The following ABCC4 variants were observed in gnomAD, a reference collection of about 807,000 sequenced individuals.
The protein encoded by ABCC4 is ATP binding cassette subfamily C member 4 (PEL blood group).
Under a neutral mutation model 168.5 loss-of-function variants are expected in ABCC4, and 102 were observed. The ratio of observed to expected loss-of-function variants is 0.61; its 90% CI spans 0.52 to 0.71. ABCC4 has a LOEUF of 0.71. Ranked by LOEUF, ABCC4 falls within the 30% of genes least tolerant of loss-of-function variation. The pLI is 0.00. For missense variants in ABCC4, 1,402 were observed against 1,605.8 expected, an observed-to-expected ratio of 0.87 and a Z score of 2.17; for synonymous variants, 617 against 590.7, an observed-to-expected ratio of 1.04 and a Z score of -0.65.
intron 1 of ABCC4, among the ~76,000 whole-genome samples, chr13:95,265,065 T>C (rs1040815809): frequency 6.6e-6 from 1 of 152,004 alleles, no homozygotes; most frequent in Non-Finnish European, 1.5e-5. Flanking sequence ...GATGGGGTTT[T>C]GCCATGTTGG....
At chr13:95,103,765 A>G (rs2034897826) in intron 20 of ABCC4, among the ~76,000 whole-genome samples, 2 of 152,074 alleles carry the variant, frequency 1.3e-5, no homozygotes, top group Non-Finnish European at 2.9e-5. Flanking sequence ...CCTTCCACCC[A>G]AATCTCTAAA....
At chr13:95,144,974 G>A (rs566017191) in intron 19 of ABCC4, among the ~76,000 whole-genome samples, 15 of 151,418 alleles carry the variant, frequency 9.9e-5, no homozygotes, top group Admixed American at 6.6e-4. Flanking sequence ...AAGTTTACAA[G>A]CAAAAAACAA....
At chr13:95,214,668 T>C (rs1035040195) in intron 4 of ABCC4, among the ~76,000 whole-genome samples, 6 of 151,900 alleles carry the variant, frequency 3.9e-5, no homozygotes, top group Admixed American at 6.6e-5. Context: ...GGCAGATCAC[T>C]CGAGCCCAGG....
At chr13:95,157,799 G>A (rs1015106474) in intron 19 of ABCC4, among the ~76,000 whole-genome samples, 25 of 152,164 alleles carry the variant, frequency 1.6e-4, no homozygotes, top group African/African-American at 2.7e-4. Context: ...GGCCGGGCGC[G>A]GTGGCTCACG....
At chr13:95,264,703 G>T (rs938820831) in intron 1 of ABCC4, among the ~76,000 whole-genome samples, 2 of 152,100 alleles carry the variant, frequency 1.3e-5, no homozygotes, top group Non-Finnish European at 2.9e-5. Context: ...TACATTATAG[G>T]ATCCTGGGCC....
chr13:95,261,187 C>T (rs2040523042), intron 1 of ABCC4, among the ~76,000 whole-genome samples: 1 of 152,088 alleles, frequency 6.6e-6, no homozygotes, highest in African/African-American at 2.4e-5. Flanking sequence ...GTGGCTCACG[C>T]CTGTAATCCC....
At chr13:95,026,006 C>T (rs755816834) in intron 30 of ABCC4, among the ~76,000 whole-genome samples, 21 of 151,984 alleles carry the variant, frequency 1.4e-4, no homozygotes, top group Non-Finnish European at 2.6e-4. Context: ...CACTTGAGGG[C>T]CAGGAGTTCG....
intron 27 of ABCC4, among the ~76,000 whole-genome samples, chr13:95,048,138 C>T (rs1261318690): frequency 6.6e-6 from 1 of 152,066 alleles, no homozygotes; most frequent in Admixed American, 6.5e-5. Context: ...AAGAAACAGT[C>T]CTTATAAAAT....
intron 27 of ABCC4, 112 bp downstream of exon 27, chr13:95,052,983 G>A (rs1480581315): frequency 1.1e-6 from 1 of 896,492 alleles, no homozygotes; most frequent in East Asian, 2.5e-5. Flanking sequence ...CCTGGGTGGT[G>A]AACAAAGTTA....
At chr13:95,205,967 T>A (rs1438072513) in intron 8 of ABCC4, among the ~76,000 whole-genome samples, 1 of 152,040 alleles carries the variant, frequency 6.6e-6, no homozygotes, top group African/African-American at 2.4e-5. Context: ...GATAGGTTCA[T>A]CAACAGTAAG....
At chr13:95,209,930 T>A (rs1254893840) in intron 5 of ABCC4, among the ~76,000 whole-genome samples, 2 of 152,248 alleles carry the variant, frequency 1.3e-5, no homozygotes, top group African/African-American at 4.8e-5. Flanking sequence ...GGCTCCCCAG[T>A]ACCCCAAGAA....
chr13:95,194,788 T>C (rs190166565), intron 9 of ABCC4, 48 bp downstream of exon 9: 1 of 1,458,650 alleles, frequency 6.9e-7, no homozygotes, highest in African/African-American at 1.4e-5. Context: ...TAAATCAATG[T>C]CACTCATTAT....
At chr13:95,052,960 T>A (rs2032901144) in intron 27 of ABCC4, 135 bp downstream of exon 27, 1 of 706,256 alleles carries the variant, frequency 1.4e-6, no homozygotes, top group Non-Finnish European at 2.5e-6. Flanking sequence ...CATATCCACA[T>A]CCTCAATGAT....
chr13:95,049,854 T>G (rs1009567489), intron 27 of ABCC4, among the ~76,000 whole-genome samples: 1 of 152,208 alleles, frequency 6.6e-6, no homozygotes, highest in Non-Finnish European at 1.5e-5. Flanking sequence ...ACCTTTTAAG[T>G]GGTTAAAGAG....
chr13:95,040,067 G>T (rs1462759728), intron 29 of ABCC4, among the ~76,000 whole-genome samples: 1 of 152,222 alleles, frequency 6.6e-6, no homozygotes, highest in African/African-American at 2.4e-5. Flanking sequence ...ACTCTTCTCT[G>T]GGACAAGATA....
At chr13:95,172,506 C>A (rs1432934114) in intron 13 of ABCC4, among the ~76,000 whole-genome samples, 1 of 149,266 alleles carries the variant, frequency 6.7e-6, no homozygotes, top group African/African-American at 2.5e-5. Flanking sequence ...AGGAGGCCTG[C>A]AGTGATCCAA....
rs760302007 is a variant in ABCC4 at position 95,021,613 on chromosome 13, G to C, written c.3940C>G (p.Gln1314Glu). 6.2e-7 allele frequency: 1 copy of C among 1,613,082 alleles called. No individual in the cohort carries two copies. The highest frequency in any genetic ancestry group is 1.3e-5 in the African/African-American group (1 of 74,878). ...TCGAAAATAGTTAAGGTCGAGGGCTGTCCATTGGAAGTGTTTGTAACCATG... is the reference window on the plus strand; with the variant it reads ...TCGAAAATAGTTAAGGTCGAGGGCTCTCCATTGGAAGTGTTTGTAACCATG... ...DHMVTNTSNG[Q>E]PSTLTIFETA... is the part of the protein sequence containing the mutation. Residue 1314 changes from glutamine to glutamate, a missense_variant, in exon 31 of 31, where the codon CAG (glutamine) becomes GAG (glutamate). Gln to Glu is a conservative substitution (Grantham distance 29). Transcript: ENST00000645237.
chr13:95,062,895 AAAG>A (rs541375934), intron 25 of ABCC4, 36 bp from the exon 26 acceptor site: 58,499 of 504,134 alleles, frequency 0.12, 95 homozygotes, highest in South Asian at 0.29. Context: ...TTAAAAAAAA[AAAG>A]AAAAAAATCA....
chr13:95,141,617 G>T (rs3782958), intron 19 of ABCC4, among the ~76,000 whole-genome samples: 1 of 151,976 alleles, frequency 6.6e-6, no homozygotes, highest in African/African-American at 2.4e-5. Context: ...TTTTTGAAAA[G>T]AACCTTAGAA....
Sources: gnomAD v4.1 joint callset for allele counts (sites outside exome capture counted in the v4.1 genomes callset) on GRCh38, gnomAD v4.1.1 for gene constraint, MANE v1.5 for transcripts, NCBI Gene and HGNC (gene_info 2026-07-23, HGNC 2026-07-21) for gene names.